PDE1A: variants seen among roughly 807,000 people sequenced by gnomAD.
PDE1A encodes the protein dual specificity calcium/calmodulin-dependent 3',5'-cyclic nucleotide phosphodiesterase 1A.
Under a neutral mutation model 61.7 loss-of-function variants are expected in PDE1A, and 35 were observed. The observed-to-expected ratio is 0.57, with a 90% CI of 0.43 to 0.75. The LOEUF is 0.75. Among genes scored for constraint, PDE1A ranks in the 30% least tolerant of loss-of-function variants. The probability of loss-of-function intolerance (pLI) is 0.00; values close to 1 mark genes in which losing one functional copy is unlikely to be tolerated. For missense variants in PDE1A, 597 were observed against 630.6 expected, an observed-to-expected ratio of 0.95 and a Z score of 0.57; for synonymous variants, 232 against 213.2, an observed-to-expected ratio of 1.09 and a Z score of -0.77.
At chr2:182,688,620 C>G in the PDE1A span, among the ~76,000 whole-genome samples, 1 of 152,176 alleles carries the variant, frequency 6.6e-6, no homozygotes, top group Non-Finnish European at 1.5e-5. Flanking sequence ...ACTGCATCAA[C>G]TAACGAGCAG....
the PDE1A span, among the ~76,000 whole-genome samples, chr2:182,701,570 C>T: frequency 6.6e-5 from 10 of 151,630 alleles, no homozygotes; most frequent in Non-Finnish European, 1.0e-4. Context: ...ATAGTAGAGA[C>T]GGGGTTTCGC....
At chr2:182,438,116 T>C (rs1684559466) in intron 2 of PDE1A, among the ~76,000 whole-genome samples, 1 of 151,922 alleles carries the variant, frequency 6.6e-6, no homozygotes, top group Non-Finnish European at 1.5e-5. Context: ...TTGTTTTTCC[T>C]CTCAGAGAGC....
chr2:182,400,359 G>A (rs1701934285), intron 1 of PDE1A, among the ~76,000 whole-genome samples: 1 of 152,148 alleles, frequency 6.6e-6, no homozygotes, highest in South Asian at 2.1e-4. Context: ...ATACACTTCT[G>A]TAAAATAAGA....
At chr2:182,295,375 AAT>A (rs2125900408) in intron 1 of PDE1A, among the ~76,000 whole-genome samples, 1 of 152,274 alleles carries the variant, frequency 6.6e-6, no homozygotes, top group Admixed American at 6.5e-5. Flanking sequence ...TTGTAAATCG[AAT>A]AACAGAAATT....
chr2:182,324,331 A>T (rs1398303167), intron 1 of PDE1A, among the ~76,000 whole-genome samples: 1 of 151,852 alleles, frequency 6.6e-6, no homozygotes, highest in Non-Finnish European at 1.5e-5. Flanking sequence ...CCATTTTGGG[A>T]ACTTGCATAC....
At chr2:182,209,272 C>T (rs1258828961) in intron 7 of PDE1A, among the ~76,000 whole-genome samples, 1 of 152,014 alleles carries the variant, frequency 6.6e-6, no homozygotes, top group Non-Finnish European at 1.5e-5. Flanking sequence ...CCAAGTGAAA[C>T]AGATTTCCCC....
the PDE1A span, among the ~76,000 whole-genome samples, chr2:182,599,109 G>A: frequency 6.6e-6 from 1 of 152,168 alleles, no homozygotes; most frequent in Non-Finnish European, 1.5e-5. Context: ...CCCAAACCAT[G>A]GCTGCAGACT....
the PDE1A span, among the ~76,000 whole-genome samples, chr2:182,544,385 C>T: frequency 0.047 from 7,111 of 152,304 alleles, 224 homozygotes; most frequent in Middle Eastern, 0.095. Context: ...CTACAGCATG[C>T]TTTCTTTTGC....
the PDE1A span, among the ~76,000 whole-genome samples, chr2:182,589,858 T>G: frequency 1.3e-5 from 2 of 152,224 alleles, no homozygotes; most frequent in Admixed American, 1.3e-4. Context: ...CATACCCACC[T>G]AGAGTTACTA....
intron 1 of PDE1A, among the ~76,000 whole-genome samples, chr2:182,275,175 G>T (rs928157421): frequency 1.3e-5 from 2 of 152,090 alleles, no homozygotes; most frequent in African/African-American, 4.8e-5. Context: ...CCAGACCCCA[G>T]TGGCTTTGGG....
the PDE1A span, among the ~76,000 whole-genome samples, chr2:182,649,606 A>G: frequency 9.6e-6 from 1 of 104,422 alleles, no homozygotes; most frequent in Non-Finnish European, 2.0e-5. Context: ...CCCACTCTAT[A>G]CAAAAAAAAA....
At chr2:182,324,580 G>C (rs937317058) in intron 1 of PDE1A, among the ~76,000 whole-genome samples, 7 of 152,040 alleles carry the variant, frequency 4.6e-5, no homozygotes, top group Non-Finnish European at 1.0e-4. Flanking sequence ...CTATGTTAGA[G>C]GTCAAATCTG....
At chr2:182,651,801 T>C in the PDE1A span, among the ~76,000 whole-genome samples, 16 of 152,320 alleles carry the variant, frequency 1.1e-4, 1 homozygote, top group South Asian at 3.1e-3. Flanking sequence ...TAGCTAGAAA[T>C]GTCTTCGCCC....
intron 1 of PDE1A, among the ~76,000 whole-genome samples, chr2:182,317,337 T>C (rs1050380104): frequency 1.3e-5 from 2 of 151,948 alleles, no homozygotes; most frequent in African/African-American, 2.4e-5. Flanking sequence ...TATCATTCTC[T>C]CCACTCAATG....
chr2:182,298,481 A>T (rs1246738330), intron 1 of PDE1A, among the ~76,000 whole-genome samples: 2 of 152,142 alleles, frequency 1.3e-5, no homozygotes, highest in Admixed American at 6.5e-5. Flanking sequence ...TGACCATGAT[A>T]TGTGGGATGG....
intron 2 of PDE1A, among the ~76,000 whole-genome samples, chr2:182,494,191 T>C (rs1688568725): frequency 1.3e-5 from 2 of 152,118 alleles, no homozygotes; most frequent in South Asian, 4.2e-4. Context: ...GGATGTCTCT[T>C]GAGCAAAGGT....
At chr2:182,635,947 ATTTTTT>A in the PDE1A span, among the ~76,000 whole-genome samples, 1 of 55,272 alleles carries the variant, frequency 1.8e-5, no homozygotes, top group South Asian at 9.9e-4. Flanking sequence ...TCTCACCGGT[ATTTTTT>A]TTTTTTTTTT....
intron 1 of PDE1A, among the ~76,000 whole-genome samples, chr2:182,340,361 C>A (rs1232012903): frequency 2.0e-5 from 3 of 152,102 alleles, no homozygotes; most frequent in Admixed American, 1.3e-4. Flanking sequence ...TTTCAAAGAG[C>A]CTCCAAGTGA....
chr2:182,511,176 T>A (rs575941569), intron 2 of PDE1A, among the ~76,000 whole-genome samples: 11 of 151,486 alleles, frequency 7.3e-5, no homozygotes, highest in African/African-American at 1.9e-4. Context: ...AATTGAAAAA[T>A]CAATCAAGAG....
Sources: allele counts gnomAD v4.1 joint callset (sites outside exome capture counted in the v4.1 genomes callset), GRCh38; gene constraint gnomAD v4.1.1; transcripts MANE v1.5; gene names NCBI Gene and HGNC (gene_info 2026-07-23, HGNC 2026-07-21).